Variants in NRG1 observed in about 807,000 individuals in gnomAD.
The protein encoded by NRG1 is neuregulin 1, also known as pro-neuregulin-1, membrane-bound isoform.
In NRG1, 18 loss-of-function variants were observed where a neutral mutation model predicts 63.8. That is an observed-to-expected ratio of 0.28 (90% CI 0.19 to 0.42). The LOEUF is 0.42. Among genes scored for constraint, NRG1 ranks in the 10% least tolerant of loss-of-function variants. NRG1 has a pLI of 1.00. For synonymous variants in NRG1, 302 were observed against 301.3 expected (o/e 1.00, Z -0.02); for missense variants, 762 against 814.7 (o/e 0.94, Z 0.79).
intron 1 of NRG1, among the ~76,000 whole-genome samples, chr8:31,789,879 C>G (rs1026925170): frequency 1.3e-5 from 2 of 152,080 alleles, no homozygotes; most frequent in Non-Finnish European, 2.9e-5. Context: ...CACTTGATAA[C>G]CAGATTCAAG....
chr8:31,929,024 A>C (rs1834650899), intron 1 of NRG1, among the ~76,000 whole-genome samples: 1 of 152,056 alleles, frequency 6.6e-6, no homozygotes, highest in Non-Finnish European at 1.5e-5. Flanking sequence ...CTATTGAAAT[A>C]AAAAAAATCA....
At chr8:32,371,095 C>T (rs1252828406) in intron 1 of NRG1, among the ~76,000 whole-genome samples, 1 of 151,888 alleles carries the variant, frequency 6.6e-6, no homozygotes, top group Admixed American at 6.6e-5. Context: ...GCCTGTAATC[C>T]CAGCTACTCA....
chr8:32,108,441 A>T (rs1196265075), intron 1 of NRG1, among the ~76,000 whole-genome samples: 2 of 152,140 alleles, frequency 1.3e-5, no homozygotes, highest in Non-Finnish European at 2.9e-5. Context: ...GCTACCAAAC[A>T]CTGCCAAGCC....
intron 1 of NRG1, among the ~76,000 whole-genome samples, chr8:32,340,339 T>C (rs924870849): frequency 1.3e-5 from 2 of 152,132 alleles, no homozygotes; most frequent in African/African-American, 4.8e-5. Context: ...CTCTTGAAAT[T>C]GAAAAGGGTT....
At chr8:32,726,277 C>G (rs754040402) in intron 5 of NRG1, among the ~76,000 whole-genome samples, 3 of 152,060 alleles carry the variant, frequency 2.0e-5, no homozygotes, top group Non-Finnish European at 2.9e-5. Flanking sequence ...AAATTAAGAG[C>G]CTTCCCTGCT....
chr8:31,650,392 T>A (rs1321338570), intron 1 of NRG1, among the ~76,000 whole-genome samples: 1 of 152,194 alleles, frequency 6.6e-6, no homozygotes, highest in Non-Finnish European at 1.5e-5. Flanking sequence ...TAAAGCCTTA[T>A]CTTTCTCACC....
chr8:32,113,693 A>G (rs1832337247), intron 1 of NRG1, among the ~76,000 whole-genome samples: 1 of 152,232 alleles, frequency 6.6e-6, no homozygotes, highest in Non-Finnish European at 1.5e-5. Context: ...TTAACTGTAC[A>G]TTGCAATTCA....
intron 1 of NRG1, among the ~76,000 whole-genome samples, chr8:32,011,032 C>T (rs1043827610): frequency 3.3e-5 from 5 of 151,984 alleles, no homozygotes; most frequent in Non-Finnish European, 7.4e-5. Flanking sequence ...TCTTTGAAAT[C>T]ATTGGTGGGC....
intron 5 of NRG1, among the ~76,000 whole-genome samples, chr8:32,638,464 T>C (rs376373665): frequency 1.4e-4 from 21 of 152,306 alleles, no homozygotes; most frequent in African/African-American, 4.3e-4. Flanking sequence ...ACTACTGAAA[T>C]AGAAAGAAAA....
chr8:31,849,826 C>T (rs1370979799), intron 1 of NRG1, among the ~76,000 whole-genome samples: 2 of 152,088 alleles, frequency 1.3e-5, no homozygotes, highest in Non-Finnish European at 2.9e-5. Context: ...ACCTATAAAT[C>T]TGAGTCAGTA....
intron 1 of NRG1, among the ~76,000 whole-genome samples, chr8:31,965,873 CAA>C (rs953703907): frequency 1.3e-5 from 2 of 151,982 alleles, no homozygotes; most frequent in Non-Finnish European, 2.9e-5. Context: ...AGCAGAAAAT[CAA>C]ATATCTCATG....
intron 6 of NRG1, among the ~76,000 whole-genome samples, chr8:32,738,965 C>T (rs940383187): frequency 6.6e-6 from 1 of 152,172 alleles, no homozygotes; most frequent in African/African-American, 2.4e-5. Context: ...GTTCTGTCGT[C>T]CCTGACTGGT....
chr8:31,708,908 A>G (rs1038282266), intron 1 of NRG1, among the ~76,000 whole-genome samples: 4 of 152,152 alleles, frequency 2.6e-5, no homozygotes, highest in Non-Finnish European at 5.9e-5. Flanking sequence ...TTTTTGACTC[A>G]CCAAAAACTT....
intron 1 of NRG1, among the ~76,000 whole-genome samples, chr8:32,494,122 A>G (rs1346091153): frequency 2.0e-5 from 3 of 152,198 alleles, no homozygotes; most frequent in African/African-American, 7.2e-5. Context: ...ATTAAACTGT[A>G]CTGCAAGGAA....
chr8:32,469,081 A>G (rs1823444350), intron 1 of NRG1, among the ~76,000 whole-genome samples: 1 of 152,194 alleles, frequency 6.6e-6, no homozygotes, highest in Non-Finnish European at 1.5e-5. Context: ...AACAAGGGAA[A>G]CGATGGAGGT....
chr8:32,495,521 G>A (rs1233414834), intron 1 of NRG1, among the ~76,000 whole-genome samples: 2 of 152,152 alleles, frequency 1.3e-5, no homozygotes, highest in African/African-American at 4.8e-5. Flanking sequence ...GAAGTGCAGT[G>A]GTGTGATCTC....
In NRG1 at chr8:32,320,775, T is replaced by C. The variant is rs117936713; in HGVS notation, c.38-275053T>C. Among the ~76,000 whole-genome samples the C allele has an allele frequency of 7.1e-3, 1,084 of 152,262 alleles. 4 individuals are homozygous for C. Among genetic ancestry groups the C allele is most frequent in the Non-Finnish European group, 0.012 (837 of 68,014 alleles). ...ATATATATGTGCAGAAATAGACTGCTCACCTAGACTTCAAAAGACATGTCA... is the reference window on the plus strand; with the variant it reads ...ATATATATGTGCAGAAATAGACTGCCCACCTAGACTTCAAAAGACATGTCA... On this transcript the variant is annotated intron_variant, in intron 1 of 10. Transcript: ENST00000519301.
At chr8:32,429,127 GT>G (rs879543343) in intron 1 of NRG1, among the ~76,000 whole-genome samples, 8 of 149,058 alleles carry the variant, frequency 5.4e-5, no homozygotes, top group African/African-American at 1.2e-4. Flanking sequence ...ATGAAGTACG[GT>G]TTTTTTTTTC....
chr8:32,131,017 G>A (rs908291148), intron 1 of NRG1, among the ~76,000 whole-genome samples: 6 of 151,900 alleles, frequency 3.9e-5, no homozygotes, highest in African/African-American at 1.5e-4. Flanking sequence ...ATGGCAAAAG[G>A]CAGAGTTGCT....
Sources: gnomAD v4.1 joint callset for allele counts (sites outside exome capture counted in the v4.1 genomes callset) on GRCh38, gnomAD v4.1.1 for gene constraint, MANE v1.5 for transcripts, NCBI Gene and HGNC (gene_info 2026-07-23, HGNC 2026-07-21) for gene names.